GTF2E1: variants seen among roughly 807,000 people sequenced by gnomAD.
GTF2E1 encodes general transcription factor IIE subunit 1.
Under a neutral mutation model 34.9 loss-of-function variants are expected in GTF2E1, and 14 were observed. The observed-to-expected ratio is 0.40, with a 90% CI of 0.27 to 0.63. The LOEUF (loss-of-function observed/expected upper bound fraction) is 0.63, where lower values mean the gene tolerates loss of function less well. Ranked by LOEUF, GTF2E1 falls within the 20% of genes least tolerant of loss-of-function variation. The probability of loss-of-function intolerance (pLI) is 0.39; values close to 1 mark genes in which losing one functional copy is unlikely to be tolerated. For synonymous variants in GTF2E1, 188 were observed against 192.9 expected (o/e 0.97, Z 0.21); for missense variants, 469 against 557.7 (o/e 0.84, Z 1.60).
intron 2 of GTF2E1, 54 bp downstream of exon 2, chr3:120,751,054 T>C (rs1709160804): frequency 1.8e-6 from 2 of 1,108,714 alleles, no homozygotes; most frequent in Non-Finnish European, 2.6e-6. Context: ...TTACCTTTTT[T>C]CTTAAATTGA....
At position 120,781,346 on chromosome 3, in the gene GTF2E1, C is replaced by T. The variant is rs557465560; in HGVS notation, c.1196C>T (p.Ala399Val). 6 of 1,614,110 alleles carry T rather than the reference C, an allele frequency of 3.7e-6. No homozygotes were observed. Among genetic ancestry groups the T allele is most frequent in the Admixed American group, 1.7e-5 (1 of 60,028 alleles). The change falls in exon 5 of 5, where the codon GCT (alanine) becomes GTT (valine). Residue 399 changes from alanine (A) to valine (V), a missense_variant. Ala to Val is a moderately conservative substitution (Grantham distance 64). Transcript: ENST00000283875. Reference sequence around the variant, plus strand: ...GCAGATGACCCCATTGTCATGGTGGCTGGCCGTCCGTTCTCCTACAGTGAA... The same window carrying T: ...GCAGATGACCCCATTGTCATGGTGGTTGGCCGTCCGTTCTCCTACAGTGAA... ...EVADDPIVMV[A>V]GRPFSYSEVS...
At chr3:120,759,822 T>C (rs1285601899) in intron 2 of GTF2E1, among the ~76,000 whole-genome samples, 1 of 152,248 alleles carries the variant, frequency 6.6e-6, no homozygotes, top group Non-Finnish European at 1.5e-5. Flanking sequence ...AGCAGTAACG[T>C]GCTGTTTTGG....
In GTF2E1 at chr3:120,750,634, A is replaced by G. The variant is rs573424254; in HGVS notation, c.82A>G (p.Ile28Val). The G allele has an allele frequency of 3.1e-6, 5 of 1,614,044 alleles. No homozygotes were observed. The South Asian group carries it at 3.3e-5, about 11-fold the overall frequency. ...GTATGTGATCCGGGGATTTTATGGC[A>G]TTGAGCATGCCTTGGCCTTGGACAT... ...AKYVIRGFYGIEHALALDILI... is the reference protein window; with the variant it reads ...AKYVIRGFYGVEHALALDILI... Residue 28 changes from isoleucine to valine, a missense_variant, in exon 2 of 5, where the codon ATT becomes GTT. By Grantham distance (29) the Ile-to-Val change is conservative. Transcript: ENST00000283875.
At chr3:120,771,887 GA>G (rs1709354375) in intron 3 of GTF2E1, among the ~76,000 whole-genome samples, 1 of 152,202 alleles carries the variant, frequency 6.6e-6, no homozygotes, top group Non-Finnish European at 1.5e-5. Flanking sequence ...GTTGGAATTA[GA>G]ATCCAGTCTA....
At chr3:120,777,350 A>T (rs994876275) in intron 4 of GTF2E1, among the ~76,000 whole-genome samples, 2 of 152,166 alleles carry the variant, frequency 1.3e-5, no homozygotes, top group Non-Finnish European at 2.9e-5. Context: ...GATGACGATG[A>T]CTCAAGCTGG....
At chr3:120,752,960 A>G (rs1442279416) in intron 2 of GTF2E1, among the ~76,000 whole-genome samples, 1 of 152,262 alleles carries the variant, frequency 6.6e-6, no homozygotes, top group East Asian at 1.9e-4. Context: ...AGGTATCATG[A>G]TTAAAAATTT....
At chr3:120,766,130 C>T (rs1328074136) in intron 2 of GTF2E1, among the ~76,000 whole-genome samples, 2 of 152,176 alleles carry the variant, frequency 1.3e-5, no homozygotes, top group Non-Finnish European at 2.9e-5. Flanking sequence ...TAGCAGCTCT[C>T]TACCAGGTGT....
At chr3:120,755,916 C>G (rs1225555978) in intron 2 of GTF2E1, among the ~76,000 whole-genome samples, 1 of 152,156 alleles carries the variant, frequency 6.6e-6, no homozygotes, top group African/African-American at 2.4e-5. Flanking sequence ...ATTTCCAGTT[C>G]CGTCTATGTT....
chr3:120,764,200 T>C (rs1055009872), intron 2 of GTF2E1, among the ~76,000 whole-genome samples: 9 of 152,170 alleles, frequency 5.9e-5, no homozygotes, highest in African/African-American at 2.2e-4. Flanking sequence ...CTGCTTTTTT[T>C]CCCCTGTAAT....
rs536093737 is a variant in GTF2E1, at chr3:120,744,766, G to A, written c.-31+1972G>A. On this transcript the variant is annotated intron_variant, in intron 1 of 4. Coordinates refer to ENST00000283875, the MANE Select transcript of GTF2E1 (RefSeq NM_005513.3). The stretch of plus-strand genomic sequence containing the variant: ...CCTCCACCTTCACTCACTTGAGTCC[G>A]TTCCTCATATTGGTATAAGAGTCAT... Among the ~76,000 whole-genome samples the A allele has an allele frequency of 1.3e-5, 2 of 151,774 alleles. 1 individual carries two copies. Among genetic ancestry groups the A allele is most frequent in the South Asian group, 4.2e-4 (2 of 4,806 alleles).
intron 1 of GTF2E1, among the ~76,000 whole-genome samples, chr3:120,745,659 A>G (rs1396464284): frequency 6.6e-6 from 1 of 152,194 alleles, no homozygotes. Flanking sequence ...GAAGGAGAAT[A>G]CAATAGTAGG....
At chr3:120,771,017 A>G (rs945315061) in intron 3 of GTF2E1, 88 bp downstream of exon 3, 1 of 1,040,406 alleles carries the variant, frequency 9.6e-7, no homozygotes, top group South Asian at 1.3e-5. Context: ...AAGAGTGGGT[A>G]ATTTACTAGG....
At chr3:120,754,676 G>A (rs1709193450) in intron 2 of GTF2E1, among the ~76,000 whole-genome samples, 1 of 152,116 alleles carries the variant, frequency 6.6e-6, no homozygotes, top group South Asian at 2.1e-4. Flanking sequence ...ACTGTGAGTG[G>A]GTGGAGTAGA....
At chr3:120,763,331 G>A (rs968040016) in intron 2 of GTF2E1, among the ~76,000 whole-genome samples, 6 of 152,242 alleles carry the variant, frequency 3.9e-5, no homozygotes, top group African/African-American at 1.4e-4. Context: ...ATGGAGGAAT[G>A]ATGCATGATT....
intron 2 of GTF2E1, 48 bp from the exon 3 acceptor site, chr3:120,770,680 A>T: frequency 7.4e-7 from 1 of 1,348,944 alleles, no homozygotes; most frequent in Non-Finnish European, 1.1e-6. Context: ...GGTATAAACT[A>T]TCTGCTAAAG....
intron 2 of GTF2E1, among the ~76,000 whole-genome samples, chr3:120,765,933 G>T (rs1024673680): frequency 1.3e-5 from 2 of 152,090 alleles, no homozygotes; most frequent in Non-Finnish European, 2.9e-5. Flanking sequence ...TCCCTTGCAT[G>T]CCTTGGATTC....
intron 2 of GTF2E1, among the ~76,000 whole-genome samples, chr3:120,767,558 A>G (rs1259347888): frequency 1.3e-5 from 2 of 152,154 alleles, no homozygotes; most frequent in Non-Finnish European, 2.9e-5. Context: ...AAATTGGGGC[A>G]TGGGGAACTG....
chr3:120,760,205 G>A (rs771389573), intron 2 of GTF2E1, among the ~76,000 whole-genome samples: 8 of 152,166 alleles, frequency 5.3e-5, no homozygotes, highest in Non-Finnish European at 1.2e-4. Context: ...TTGTGAATGG[G>A]AGTTCACTCA....
chr3:120,751,632 A>G (rs1296123726), intron 2 of GTF2E1, among the ~76,000 whole-genome samples: 1 of 152,230 alleles, frequency 6.6e-6, no homozygotes, highest in East Asian at 1.9e-4. Context: ...TTTAGAAAGC[A>G]TGCATTATCT....
Sources: allele counts gnomAD v4.1 joint callset (sites outside exome capture counted in the v4.1 genomes callset), GRCh38; gene constraint gnomAD v4.1.1; transcripts MANE v1.5; gene names NCBI Gene and HGNC (gene_info 2026-07-23, HGNC 2026-07-21).